Variants in TMEM114 observed in about 807,000 individuals in gnomAD.
The protein encoded by TMEM114 is claudin-26.
Under a neutral mutation model 6.2 loss-of-function variants are expected in TMEM114, and 6 were observed. The ratio of observed to expected loss-of-function variants is 0.97; its 90% CI spans 0.53 to 1.91. TMEM114 has a LOEUF of 1.91. TMEM114 is among the 40% of genes most tolerant of loss of function. The pLI is 0.01. For missense variants in TMEM114, 218 were observed against 158.3 expected (o/e 1.38, Z -2.02); for synonymous variants, 104 against 73.0 (o/e 1.42, Z -2.16).
intron 2 of TMEM114, among the ~76,000 whole-genome samples, chr16:8,582,890 C>A (rs578069691): frequency 6.6e-6 from 1 of 150,776 alleles, no homozygotes; most frequent in Non-Finnish European, 1.5e-5. Flanking sequence ...CAGAGTGAGA[C>A]AAGAAAAGAG....
downstream of TMEM114, among the ~76,000 whole-genome samples, chr16:8,537,048 A>G (rs552511620): frequency 6.6e-6 from 1 of 152,226 alleles, no homozygotes; most frequent in South Asian, 2.1e-4. Flanking sequence ...TCTACAAAAA[A>G]TTTAAGAATT....
chr16:8,555,647 G>T (rs1900986175), intron 2 of TMEM114, among the ~76,000 whole-genome samples: 1 of 152,096 alleles, frequency 6.6e-6, no homozygotes. Context: ...TCTCACTATT[G>T]TTTTCACGTC....
chr16:8,552,278 G>A (rs531615287), intron 2 of TMEM114, among the ~76,000 whole-genome samples: 6 of 152,016 alleles, frequency 3.9e-5, no homozygotes, highest in South Asian at 2.1e-4. Flanking sequence ...CAGCTACTAC[G>A]GGGGCTAAGG....
intron 2 of TMEM114, among the ~76,000 whole-genome samples, chr16:8,542,524 C>G (rs1900545778): frequency 6.6e-6 from 1 of 152,066 alleles, no homozygotes; most frequent in Non-Finnish European, 1.5e-5. Context: ...ACCTGCTTTT[C>G]AAAAATTCTA....
chr16:8,559,905 C>G (rs1353749480), intron 2 of TMEM114, among the ~76,000 whole-genome samples: 1 of 152,182 alleles, frequency 6.6e-6, no homozygotes, highest in East Asian at 1.9e-4. Context: ...CCTGGGGTGG[C>G]TGAATGGGAG....
intron 2 of TMEM114, among the ~76,000 whole-genome samples, chr16:8,585,653 G>A (rs572269784): frequency 2.6e-5 from 4 of 152,178 alleles, no homozygotes; most frequent in African/African-American, 9.6e-5. Flanking sequence ...GCTCTTTCTG[G>A]GGGTGATTTG....
chr16:8,563,057 AT>A (rs1901333288), intron 2 of TMEM114, among the ~76,000 whole-genome samples: 1 of 23,422 alleles, frequency 4.3e-5, no homozygotes. Flanking sequence ...AATTGAGTGA[AT>A]GAGTAAGTGA....
intron 2 of TMEM114, among the ~76,000 whole-genome samples, chr16:8,542,056 A>G (rs745346140): frequency 2.0e-5 from 3 of 152,198 alleles, no homozygotes; most frequent in Admixed American, 6.5e-5. Context: ...AACATTAGGC[A>G]GAAATGCAGC....
chr16:8,567,688 C>T (rs1001921334), downstream of TMEM114, among the ~76,000 whole-genome samples: 2 of 152,120 alleles, frequency 1.3e-5, no homozygotes, highest in South Asian at 4.1e-4. Context: ...GAGAGAATCG[C>T]CCCAGCTGAG....
At chr16:8,562,276 ATGAG>A (rs144073898) in intron 2 of TMEM114, among the ~76,000 whole-genome samples, 75,436 of 129,440 alleles carry the variant, frequency 0.58, 19,763 homozygotes, top group East Asian at 0.74. Context: ...GAGGGAGGGA[ATGAG>A]TGAGTGAGTG....
At chr16:8,555,044 G>T (rs1017744935) in intron 2 of TMEM114, among the ~76,000 whole-genome samples, 2 of 152,186 alleles carry the variant, frequency 1.3e-5, no homozygotes, top group East Asian at 1.9e-4. Flanking sequence ...CCACTCATGG[G>T]GTTTCCCTCC....
At chr16:8,559,588 A>G (rs1401218528) in intron 2 of TMEM114, among the ~76,000 whole-genome samples, 1 of 152,162 alleles carries the variant, frequency 6.6e-6, no homozygotes. Flanking sequence ...ATGCATGAAT[A>G]TTTTATCAGT....
chr16:8,554,039 C>A lies in TMEM114; in HGVS notation n.213-16213G>T, dbSNP rs138572959. Among the ~76,000 whole-genome samples the A allele has an allele frequency of 4.0e-3, 609 of 152,194 alleles. 3 individuals are homozygous for A. Among genetic ancestry groups the A allele is most frequent in the African/African-American group, 0.014 (586 of 41,542 alleles). Reference sequence around the variant, plus strand: ...GATTACAGGCATGCGCCACCACACCCAGTTAATTTTTGTGTTTTTTGTAGA... The same window carrying A: ...GATTACAGGCATGCGCCACCACACCAAGTTAATTTTTGTGTTTTTTGTAGA... On this transcript the variant is annotated intron_variant and non_coding_transcript_variant, in intron 2 of 2. Transcript: ENST00000623677.
chr16:8,565,037 GTGAGTGAA>G (rs1427446317), downstream of TMEM114, among the ~76,000 whole-genome samples: 1 of 149,096 alleles, frequency 6.7e-6, no homozygotes, highest in African/African-American at 2.4e-5. Flanking sequence ...GAGTGAATGA[GTGAGTGAA>G]TGAGTGAGTG....
chr16:8,555,704 C>T lies in TMEM114; in HGVS notation n.213-17878G>A, dbSNP rs948251327. On this transcript the variant is annotated intron_variant and non_coding_transcript_variant, in intron 2 of 2. Coordinates refer to the TMEM114 transcript ENST00000623677. ...CCAGGTAATTCTCAACCAGGACAATCGTGTCTTCCAGGGGACACCTGGCAA... is the reference window on the plus strand; with the variant it reads ...CCAGGTAATTCTCAACCAGGACAATTGTGTCTTCCAGGGGACACCTGGCAA... Among the ~76,000 whole-genome samples the T allele has an allele frequency of 9.8e-5, 15 of 152,308 alleles. No homozygotes were observed. In the South Asian group the frequency reaches 1.4e-3, roughly 15 times the overall value.
At chr16:8,530,810 G>C in the TMEM114 span, among the ~76,000 whole-genome samples, 3 of 152,208 alleles carry the variant, frequency 2.0e-5, no homozygotes, top group African/African-American at 7.2e-5. Context: ...AATTGCTTGA[G>C]GCCAGGAGTT....
intron 2 of TMEM114, among the ~76,000 whole-genome samples, chr16:8,545,692 G>A (rs964618807): frequency 7.2e-5 from 11 of 152,106 alleles, no homozygotes; most frequent in Non-Finnish European, 1.0e-4. Context: ...TGCTGATCTG[G>A]GGACCACACT....
At chr16:8,567,904 C>T (rs1319808112), downstream of TMEM114, among the ~76,000 whole-genome samples, 4 of 152,156 alleles carry the variant, frequency 2.6e-5, no homozygotes, top group African/African-American at 9.7e-5. Context: ...ACTGATTTTC[C>T]AACAGCGCTC....
chr16:8,551,688 G>A (rs1900849031), intron 2 of TMEM114, among the ~76,000 whole-genome samples: 1 of 152,216 alleles, frequency 6.6e-6, no homozygotes, highest in Non-Finnish European at 1.5e-5. Context: ...TCATAGAGTA[G>A]CGCAATTGAT....
Sources: gnomAD v4.1 joint callset for allele counts (sites outside exome capture counted in the v4.1 genomes callset) on GRCh38, gnomAD v4.1.1 for gene constraint, MANE v1.5 for transcripts, NCBI Gene and HGNC (gene_info 2026-07-23, HGNC 2026-07-21) for gene names.